Variants in PLD1 observed in about 807,000 individuals in gnomAD.
PLD1 encodes the protein phospholipase D1.
A neutral mutation model predicts 137.1 loss-of-function variants in PLD1; 112 were observed. That is an observed-to-expected ratio of 0.82 (90% CI 0.70 to 0.96). PLD1 has a LOEUF of 0.96. Ranked by LOEUF, PLD1 falls within the 40% of genes least tolerant of loss-of-function variation. The pLI, the probability that PLD1 is intolerant of heterozygous loss-of-function variation, is 0.00. For synonymous variants in PLD1, 431 were observed against 454.7 expected (o/e 0.95, Z 0.66); for missense variants, 1,321 against 1,342.0 (o/e 0.98, Z 0.24).
At chr3:171,725,535 C>G (rs977112859) in intron 7 of PLD1, among the ~76,000 whole-genome samples, 1 of 152,196 alleles carries the variant, frequency 6.6e-6, no homozygotes, top group Non-Finnish European at 1.5e-5. Context: ...TAACAATGCT[C>G]TTAACTAGAA....
chr3:171,801,589 C>T (rs1723648531), intron 1 of PLD1, among the ~76,000 whole-genome samples: 1 of 152,182 alleles, frequency 6.6e-6, no homozygotes, highest in African/African-American at 2.4e-5. Flanking sequence ...CCACCACACG[C>T]AGCTAATTTT....
intron 1 of PLD1, among the ~76,000 whole-genome samples, chr3:171,773,436 T>C (rs1578456433): frequency 6.6e-6 from 1 of 151,934 alleles, no homozygotes; most frequent in Non-Finnish European, 1.5e-5. Context: ...ACCCCGTCTC[T>C]ACTAAAAATA....
chr3:171,619,811 G>T (rs894066473), intron 24 of PLD1, among the ~76,000 whole-genome samples: 1 of 152,086 alleles, frequency 6.6e-6, no homozygotes, highest in African/African-American at 2.4e-5. Flanking sequence ...ATAGCTGGGT[G>T]TGGTGGCTCG....
chr3:171,687,596 T>G lies in PLD1; in HGVS notation c.1540-12A>C. The G allele has an allele frequency of 6.3e-7, 1 of 1,595,316 alleles. No homozygotes were observed. Among genetic ancestry groups the G allele is most frequent in the East Asian group, 2.2e-5 (1 of 44,806 alleles). Reference sequence around the variant, plus strand: ...TCCATTGCGGCAGGCTGAGAAAAATTTTTTTTTAAAAAAAGACACTGCATA... The same window carrying G: ...TCCATTGCGGCAGGCTGAGAAAAATGTTTTTTTAAAAAAAGACACTGCATA... On this transcript the variant is annotated splice_polypyrimidine_tract_variant and intron_variant, in intron 14 of 26. Transcript: ENST00000351298.
At chr3:171,617,094 CA>C (rs1290437848) in intron 24 of PLD1, among the ~76,000 whole-genome samples, 2 of 152,126 alleles carry the variant, frequency 1.3e-5, no homozygotes, top group South Asian at 4.2e-4. Context: ...CAAAAAAACC[CA>C]AATGCCTGGC....
At chr3:171,713,019 ATGATGG>A (rs1267927748) in intron 9 of PLD1, among the ~76,000 whole-genome samples, 4 of 152,258 alleles carry the variant, frequency 2.6e-5, no homozygotes, top group African/African-American at 7.2e-5. Context: ...ATTCATATAC[ATGATGG>A]TGAATGAACT....
chr3:171,649,604 T>A (rs1331615280), intron 21 of PLD1, among the ~76,000 whole-genome samples: 1 of 152,190 alleles, frequency 6.6e-6, no homozygotes, highest in African/African-American at 2.4e-5. Context: ...TCTGAGCCCC[T>A]AGTGTATAAA....
intron 11 of PLD1, among the ~76,000 whole-genome samples, chr3:171,706,376 A>G (rs1716697372): frequency 6.6e-6 from 1 of 152,126 alleles, no homozygotes; most frequent in Non-Finnish European, 1.5e-5. Context: ...ACCAACTTAA[A>G]GAATGTTGCA....
intron 1 of PLD1, among the ~76,000 whole-genome samples, chr3:171,764,880 A>G (rs76883512): frequency 0.065 from 1,479 of 22,790 alleles, 119 homozygotes; most frequent in Middle Eastern, 0.16. Flanking sequence ...AGAAAGAAAG[A>G]AAGAAAGAAA....
chr3:171,684,365 G>A (rs1388057528), intron 16 of PLD1, among the ~76,000 whole-genome samples: 1 of 152,094 alleles, frequency 6.6e-6, no homozygotes, highest in East Asian at 1.9e-4. Flanking sequence ...ACTACCTGGA[G>A]CTGTTTCCAA....
At chr3:171,692,616 G>C (rs1056893858) in intron 12 of PLD1, among the ~76,000 whole-genome samples, 174 bp from the exon 13 acceptor site, 1 of 152,050 alleles carries the variant, frequency 6.6e-6, no homozygotes, top group Non-Finnish European at 1.5e-5. Flanking sequence ...CACCTCTCGG[G>C]TTCAAGCAAT....
At chr3:171,723,921 T>C (rs906950404) in intron 8 of PLD1, among the ~76,000 whole-genome samples, 1 of 152,190 alleles carries the variant, frequency 6.6e-6, no homozygotes, top group African/African-American at 2.4e-5. Context: ...CTTCACTTTG[T>C]TGACTGTTTC....
chr3:171,639,860 A>G (rs1232576113), intron 23 of PLD1, among the ~76,000 whole-genome samples: 1 of 144,740 alleles, frequency 6.9e-6, no homozygotes, highest in East Asian at 2.0e-4. Flanking sequence ...ATATATATAT[A>G]TATATCTCCT....
intron 8 of PLD1, among the ~76,000 whole-genome samples, chr3:171,722,293 A>C (rs988043171): frequency 6.6e-6 from 1 of 152,170 alleles, no homozygotes; most frequent in Non-Finnish European, 1.5e-5. Context: ...CATTTTTCAG[A>C]AATATAAGTG....
chr3:171,730,198 C>T (rs1219010044), intron 6 of PLD1, among the ~76,000 whole-genome samples: 2 of 152,154 alleles, frequency 1.3e-5, no homozygotes, highest in African/African-American at 2.4e-5. Context: ...TTTCAGAATA[C>T]AAAAGGAATT....
intron 1 of PLD1, among the ~76,000 whole-genome samples, chr3:171,802,272 G>T (rs1187809607): frequency 2.6e-5 from 4 of 152,102 alleles, no homozygotes; most frequent in African/African-American, 9.7e-5. Flanking sequence ...GCAAGAAAAA[G>T]AGAAAAGAAA....
intron 1 of PLD1, among the ~76,000 whole-genome samples, chr3:171,773,305 A>G (rs1722465116): frequency 6.6e-6 from 1 of 152,188 alleles, no homozygotes; most frequent in Non-Finnish European, 1.5e-5. Context: ...TACTAAAACT[A>G]AAATGAGGCC....
intron 19 of PLD1, among the ~76,000 whole-genome samples, chr3:171,672,519 G>A (rs760663681): frequency 6.0e-5 from 9 of 149,156 alleles, no homozygotes; most frequent in Non-Finnish European, 1.2e-4. Flanking sequence ...AGTCAGTCTC[G>A]CTCTGTTGCC....
Position 171,610,177 on chromosome 3 carries a change from C to T in PLD1, c.2882+2102G>A, listed in dbSNP as rs1732540817. Among the ~76,000 whole-genome samples, 5 of 152,054 alleles carry T rather than the reference C, an allele frequency of 3.3e-5. No homozygotes were observed. In the South Asian group the frequency reaches 1.0e-3, roughly 32 times the overall value. On this transcript the variant is annotated intron_variant, in intron 25 of 26. Transcript: ENST00000351298. ...AAGAAGGTGAACAAGAAGGTATCTACAAACATACCCATTTTTTTATATCAG... is the reference window on the plus strand; with the variant it reads ...AAGAAGGTGAACAAGAAGGTATCTATAAACATACCCATTTTTTTATATCAG...
Sources: gnomAD v4.1 joint callset for allele counts (sites outside exome capture counted in the v4.1 genomes callset) on GRCh38, gnomAD v4.1.1 for gene constraint, MANE v1.5 for transcripts, NCBI Gene and HGNC (gene_info 2026-07-23, HGNC 2026-07-21) for gene names.